CDH13: variants seen among roughly 807,000 people sequenced by gnomAD.
CDH13 encodes the protein cadherin-13.
In CDH13, 24 loss-of-function variants were observed where a neutral mutation model predicts 63.8. The observed-to-expected ratio is 0.38, with a 90% CI of 0.27 to 0.53. CDH13 has a LOEUF of 0.53. Among genes scored for constraint, CDH13 ranks in the 20% least tolerant of loss-of-function variants. The pLI is 0.85. For missense variants in CDH13, 1,049 were observed against 903.1 expected, an observed-to-expected ratio of 1.16 and a Z score of -2.07; for synonymous variants, 503 against 355.3, an observed-to-expected ratio of 1.42 and a Z score of -4.67.
chr16:83,681,667 A>G (rs557203338), intron 10 of CDH13, among the ~76,000 whole-genome samples: 8 of 152,130 alleles, frequency 5.3e-5, no homozygotes, highest in Non-Finnish European at 8.8e-5. Context: ...CGACAGGTTG[A>G]GCTATTGTCA....
intron 7 of CDH13, among the ~76,000 whole-genome samples, chr16:83,570,946 CATATAT>C (rs57586630): frequency 2.3e-4 from 25 of 110,038 alleles, no homozygotes; most frequent in Admixed American, 9.0e-4. Flanking sequence ...ATAACTCATC[CATATAT>C]ATATATATAT....
chr16:82,979,178 C>T (rs563339407), intron 2 of CDH13, among the ~76,000 whole-genome samples: 48 of 151,714 alleles, frequency 3.2e-4, no homozygotes, highest in African/African-American at 4.6e-4. Context: ...AATGCCTGTA[C>T]CCCCATTGTG....
chr16:82,939,611 A>G (rs1208968768), intron 2 of CDH13, among the ~76,000 whole-genome samples: 1 of 151,930 alleles, frequency 6.6e-6, no homozygotes, highest in Non-Finnish European at 1.5e-5. Context: ...ACTGAAGCAA[A>G]TGTAAAAATT....
chr16:83,783,013 G>A (rs1915635395), intron 12 of CDH13, among the ~76,000 whole-genome samples: 1 of 152,284 alleles, frequency 6.6e-6, no homozygotes, highest in South Asian at 2.1e-4. Context: ...CTCTGTCTCT[G>A]TGTTGTTCAT....
chr16:82,826,347 C>T (rs905834630), intron 1 of CDH13: 1 of 152,122 alleles, frequency 6.6e-6, no homozygotes, highest in Non-Finnish European at 1.5e-5. Flanking sequence ...AGTTGAAATT[C>T]TAATTTTTAT....
At chr16:83,775,672 C>G (rs1168400095) in intron 11 of CDH13, among the ~76,000 whole-genome samples, 1 of 151,732 alleles carries the variant, frequency 6.6e-6, no homozygotes, top group African/African-American at 2.4e-5. Flanking sequence ...CAAGATCGTG[C>G]CACACTGCAC....
At chr16:82,882,445 A>G (rs2040738487) in intron 2 of CDH13, among the ~76,000 whole-genome samples, 1 of 152,206 alleles carries the variant, frequency 6.6e-6, no homozygotes, top group Non-Finnish European at 1.5e-5. Context: ...AAACCCGTAC[A>G]CATGCGTATC....
In CDH13 at chr16:83,206,513, G is replaced by T. The variant is rs144736654; in HGVS notation, c.484-10832G>T. On this transcript the variant is annotated intron_variant, in intron 4 of 13. Transcript: ENST00000567109. The stretch of plus-strand genomic sequence containing the variant: ...ATCAGCATGCCAGGCATTCTCACAT[G>T]CACCCGACAGTTTTGTCCTTTTAGG... Among the ~76,000 whole-genome samples the T allele has an allele frequency of 2.9e-3, 441 of 152,330 alleles. 4 individuals are homozygous for T. The highest frequency in any genetic ancestry group is 9.7e-3 in the African/African-American group (403 of 41,578).
chr16:83,059,987 G>C (rs976069598), intron 3 of CDH13, among the ~76,000 whole-genome samples: 5 of 151,572 alleles, frequency 3.3e-5, no homozygotes, highest in Non-Finnish European at 7.4e-5. Context: ...GTAGAGACGG[G>C]GTTTCACCGT....
At chr16:83,534,914 C>A (rs1332574100) in intron 7 of CDH13, among the ~76,000 whole-genome samples, 1 of 152,206 alleles carries the variant, frequency 6.6e-6, no homozygotes, top group African/African-American at 2.4e-5. Context: ...TTCATTAGAG[C>A]ACAAATGTCA....
intron 7 of CDH13, among the ~76,000 whole-genome samples, chr16:83,504,724 C>T (rs566567947): frequency 6.6e-6 from 1 of 152,162 alleles, no homozygotes; most frequent in Non-Finnish European, 1.5e-5. Context: ...CTGTAAGCAA[C>T]TGGTGTTAGG....
At chr16:83,565,021 A>C (rs2075768316) in intron 7 of CDH13, among the ~76,000 whole-genome samples, 2 of 152,262 alleles carry the variant, frequency 1.3e-5, no homozygotes, top group South Asian at 2.1e-4. Context: ...GGCAGAGGCA[A>C]CTTCTCATTT....
intron 2 of CDH13, among the ~76,000 whole-genome samples, chr16:82,875,543 A>G (rs1034957258): frequency 7.2e-5 from 11 of 152,182 alleles, no homozygotes; most frequent in African/African-American, 4.8e-5. Context: ...AAACTTTTAC[A>G]GTGAATGACG....
intron 4 of CDH13, among the ~76,000 whole-genome samples, chr16:83,195,253 A>G (rs546469624): frequency 1.3e-5 from 2 of 152,344 alleles, no homozygotes; most frequent in Admixed American, 6.5e-5. Context: ...GGAGCTGGTA[A>G]TGATAGAAGA....
chr16:82,844,179 C>T (rs373749176), intron 1 of CDH13, among the ~76,000 whole-genome samples: 6 of 152,054 alleles, frequency 3.9e-5, no homozygotes, highest in South Asian at 2.1e-4. Context: ...AAACAGAAGA[C>T]GATGTGATGA....
intron 6 of CDH13, among the ~76,000 whole-genome samples, chr16:83,354,837 G>T (rs965717086): frequency 1.3e-5 from 2 of 152,194 alleles, no homozygotes; most frequent in Non-Finnish European, 2.9e-5. Flanking sequence ...GTGTCTCTCT[G>T]CCTGTTGTTT....
intron 2 of CDH13, among the ~76,000 whole-genome samples, chr16:82,870,735 C>T (rs1161014355): frequency 6.6e-6 from 1 of 152,146 alleles, no homozygotes; most frequent in Non-Finnish European, 1.5e-5. Context: ...TGTATCAAAA[C>T]ATCATAGGTC....
At chr16:83,338,193 A>AAC (rs1555532119) in intron 5 of CDH13, among the ~76,000 whole-genome samples, 2 of 151,352 alleles carry the variant, frequency 1.3e-5, no homozygotes, top group African/African-American at 4.9e-5. Flanking sequence ...TTAAAAAAAA[A>AAC]AAAAAAAAAA....
chr16:83,540,472 A>G (rs914555522), intron 7 of CDH13, among the ~76,000 whole-genome samples: 1 of 152,162 alleles, frequency 6.6e-6, no homozygotes, highest in Non-Finnish European at 1.5e-5. Flanking sequence ...TTTCTACCCA[A>G]TAAATACAAA....
Sources: allele counts gnomAD v4.1 joint callset (sites outside exome capture counted in the v4.1 genomes callset), GRCh38; gene constraint gnomAD v4.1.1; transcripts MANE v1.5; gene names NCBI Gene and HGNC (gene_info 2026-07-23, HGNC 2026-07-21).